The following PDE3B variants were observed in gnomAD, a reference collection of about 807,000 sequenced individuals.
The protein encoded by PDE3B is phosphodiesterase 3B.
PDE3B carries 66 observed loss-of-function variants against 116.8 expected under a neutral mutation model. That is an observed-to-expected ratio of 0.56 (90% CI 0.46 to 0.69). The LOEUF (loss-of-function observed/expected upper bound fraction) is 0.69. Among genes scored for constraint, PDE3B ranks in the 30% least tolerant of loss-of-function variants. PDE3B has a pLI of 0.00. For missense variants in PDE3B, 1,384 were observed against 1,368.1 expected (o/e 1.01, Z -0.18); for synonymous variants, 595 against 533.6 (o/e 1.12, Z -1.59).
chr11:14,660,392 C>G (rs1366439934), intron 1 of PDE3B, among the ~76,000 whole-genome samples: 2 of 151,470 alleles, frequency 1.3e-5, no homozygotes, highest in Non-Finnish European at 2.9e-5. Context: ...ACCTCTGCCT[C>G]CCAGGCTCAA....
chr11:14,827,018 T>C (rs1263323765), intron 7 of PDE3B, among the ~76,000 whole-genome samples: 2 of 152,166 alleles, frequency 1.3e-5, no homozygotes, highest in Non-Finnish European at 1.5e-5. Context: ...GTTCAACATA[T>C]GCAAATCAGT....
chr11:14,854,602 C>G (rs1555005870), intron 12 of PDE3B, among the ~76,000 whole-genome samples: 3 of 151,882 alleles, frequency 2.0e-5, no homozygotes, highest in African/African-American at 7.3e-5. Context: ...ACTGCAACCT[C>G]TGCCTCCAGG....
intron 1 of PDE3B, among the ~76,000 whole-genome samples, chr11:14,656,391 G>T (rs1257391392): frequency 1.3e-5 from 2 of 152,278 alleles, no homozygotes; most frequent in African/African-American, 2.4e-5. Flanking sequence ...ATGGATATCT[G>T]TTATTATATT....
Position 14,817,214 on chromosome 11 carries a change from A to C in PDE3B, c.1523-969A>C, listed in dbSNP as rs142830933. On this transcript the variant is annotated intron_variant, in intron 5 of 15. Transcript: ENST00000282096. ...AGAAAACCAAACACCATATGTCCTC[A>C]CTCATAGGTGGGAATGAACAATGAG... Among the ~76,000 whole-genome samples, 986 of 151,348 alleles carry C rather than the reference A, an allele frequency of 6.5e-3. 5 individuals carry two copies. The highest frequency in any genetic ancestry group is 0.011 in the Non-Finnish European group (766 of 67,896).
intron 13 of PDE3B, among the ~76,000 whole-genome samples, chr11:14,860,906 CAT>C (rs3834440): frequency 5.2e-4 from 76 of 146,524 alleles, no homozygotes; most frequent in Middle Eastern, 7.1e-3. Flanking sequence ...TTAATAAATA[CAT>C]ATATATATAT....
rs1258496242 is a variant in PDE3B, at chr11:14,644,901, C to G, written c.826C>G (p.Pro276Ala). The G allele has an allele frequency of 6.2e-7, 1 of 1,614,034 alleles. No individual in the cohort carries two copies. The highest frequency in any genetic ancestry group is 2.2e-5 in the East Asian group (1 of 44,868). ...FFQIREAPLH[P>A]RLSSAAEEKV... ...TCAAATCAGGGAAGCGCCTCTTCAT[C>G]CTCGACTGTCCAGTGCCGCCGAAGA... The change falls in exon 1 of 16, where the codon CCT (proline) becomes GCT (alanine). Residue 276 changes from proline (P) to alanine (A), a missense_variant. Transcript: ENST00000282096.
chr11:14,846,782 A>G (rs1189367342), intron 12 of PDE3B, among the ~76,000 whole-genome samples: 6 of 152,156 alleles, frequency 3.9e-5, no homozygotes, highest in South Asian at 4.1e-4. Context: ...TTCAACAAGA[A>G]GAGCTAACTA....
chr11:14,664,479 C>A (rs1279987347), intron 1 of PDE3B, among the ~76,000 whole-genome samples: 2 of 152,072 alleles, frequency 1.3e-5, no homozygotes, highest in Non-Finnish European at 2.9e-5. Context: ...AATCCAGGAG[C>A]TGGTTTTTTG....
At chr11:14,886,117 T>C in the PDE3B span, 2 of 592,126 alleles carry the variant, frequency 3.4e-6, no homozygotes, top group Non-Finnish European at 6.0e-6. Flanking sequence ...CATTATGCCA[T>C]TCAGTGCCTA....
chr11:14,762,826 A>C lies in PDE3B; in HGVS notation c.979-9111A>C, dbSNP rs1366377021. On this transcript the variant is annotated intron_variant, in intron 1 of 15. Coordinates refer to ENST00000282096, the MANE Select transcript of PDE3B (RefSeq NM_000922.4). ...TTTTCCAGTGTGATGTGTGAGAAAG[A>C]GGGGAGTTATATTTTTGGCCTAAGC... Among the ~76,000 whole-genome samples, 5 of 152,192 alleles carry C rather than the reference A, an allele frequency of 3.3e-5. No individual in the cohort carries two copies. The East Asian group carries it at 9.6e-4, about 29-fold the overall frequency.
At position 14,845,049 on chromosome 11, in the gene PDE3B, G is replaced by A. The variant is rs575551082; in HGVS notation, c.2520+1023G>A. Among the ~76,000 whole-genome samples, 5 of 152,260 alleles carry A rather than the reference G, an allele frequency of 3.3e-5. No individual in the cohort carries two copies. In the South Asian group the frequency reaches 8.3e-4, roughly 25 times the overall value. ...AGACTGCCTCCTCAAGTGGGTCCCT[G>A]ACCCCTGACCCCCGAGCAGCCTAAC... On this transcript the variant is annotated intron_variant, in intron 12 of 15. Transcript: ENST00000282096.
chr11:14,822,101 C>T (rs956053290), intron 7 of PDE3B, among the ~76,000 whole-genome samples: 3 of 152,024 alleles, frequency 2.0e-5, no homozygotes, highest in Non-Finnish European at 4.4e-5. Flanking sequence ...TGAGAACTCG[C>T]TCTGTTGCCC....
Position 14,869,574 on chromosome 11 carries a change from G to C in PDE3B, c.3253G>C (p.Asp1085His), listed in dbSNP as rs1440744112. The C allele has an allele frequency of 6.8e-6, 11 of 1,613,922 alleles. No individual in the cohort carries two copies. Among genetic ancestry groups the C allele is most frequent in the Admixed American group, 1.7e-5 (1 of 59,982 alleles). Residue 1085 changes from aspartate (D) to histidine (H), a missense_variant, in exon 16 of 16, where the codon GAT becomes CAT. By Grantham distance (81) the Asp-to-His change is moderately conservative (BLOSUM62 -1). Transcript: ENST00000282096. ...AGAGGAAGAAGAAAAATGTAAAGCT[G>C]ATGGGAATAAACTGCAGGTGGAGAA... Reference protein sequence around the residue: ...IVEEEEKCKADGNKLQVENSS... With the variant: ...IVEEEEKCKAHGNKLQVENSS...
intron 1 of PDE3B, among the ~76,000 whole-genome samples, chr11:14,733,929 A>T (rs1856528190): frequency 6.6e-6 from 1 of 152,184 alleles, no homozygotes; most frequent in Non-Finnish European, 1.5e-5. Flanking sequence ...GAAAGAGAAC[A>T]CTTTATTGAA....
At chr11:14,726,899 T>TC (rs1792314209) in intron 1 of PDE3B, among the ~76,000 whole-genome samples, 1 of 152,088 alleles carries the variant, frequency 6.6e-6, no homozygotes, top group South Asian at 2.1e-4. Context: ...AATTGAATGA[T>TC]CATTGAACGG....
the PDE3B span, chr11:14,880,832 A>G: frequency 1.3e-6 from 2 of 1,495,324 alleles, no homozygotes; most frequent in Non-Finnish European, 1.8e-6. Context: ...ATGAAAGGGA[A>G]CAAAATTTTT....
At chr11:14,880,181 G>A in the PDE3B span, 1 of 1,612,908 alleles carries the variant, frequency 6.2e-7, no homozygotes, top group Non-Finnish European at 8.5e-7. Flanking sequence ...GCCCACCGTA[G>A]CACATTGGTT....
At chr11:14,687,539 G>C (rs1854911768) in intron 1 of PDE3B, among the ~76,000 whole-genome samples, 2 of 152,126 alleles carry the variant, frequency 1.3e-5, no homozygotes. Context: ...GATTTTACTG[G>C]AAATTTGATT....
chr11:14,718,717 A>C (rs1386439332), intron 1 of PDE3B, among the ~76,000 whole-genome samples: 3 of 150,564 alleles, frequency 2.0e-5, no homozygotes, highest in African/African-American at 7.4e-5. Context: ...TGTTCTTTGA[A>C]ACCAACGAGA....
Sources: allele counts gnomAD v4.1 joint callset (sites outside exome capture counted in the v4.1 genomes callset), GRCh38; gene constraint gnomAD v4.1.1; transcripts MANE v1.5; gene names NCBI Gene and HGNC (gene_info 2026-07-23, HGNC 2026-07-21).